CPNE7: variants seen among roughly 807,000 people sequenced by gnomAD.
CPNE7 encodes copine-7.
A neutral mutation model predicts 66.5 loss-of-function variants in CPNE7; 78 were observed. The ratio of observed to expected loss-of-function variants is 1.17; its 90% CI spans 0.98 to 1.42. The LOEUF (loss-of-function observed/expected upper bound fraction) is 1.42. Among genes scored for constraint, CPNE7 ranks in the 40% most tolerant of loss-of-function variants. The pLI, the probability that CPNE7 is intolerant of heterozygous loss-of-function variation, is 0.00. For synonymous variants in CPNE7, 468 were observed against 336.7 expected (o/e 1.39, Z -4.27); for missense variants, 1,012 against 776.6 (o/e 1.30, Z -3.60).
At chr16:89,590,076 G>C (rs911328277) in intron 11 of CPNE7, 125 bp downstream of exon 11, 2 of 1,129,720 alleles carry the variant, frequency 1.8e-6, no homozygotes, top group Admixed American at 4.6e-5. Flanking sequence ...GATGGGATTG[G>C]GGTGCAAAGC....
At chr16:89,589,545 C>A (rs1440077936) in intron 10 of CPNE7, among the ~76,000 whole-genome samples, 1 of 152,182 alleles carries the variant, frequency 6.6e-6, no homozygotes, top group Admixed American at 6.5e-5. Context: ...GCTCCCTACC[C>A]TACAGACCTC....
rs768130590 is a variant in CPNE7 at position 89,583,806 on chromosome 16, C to T, written c.432+35C>T. The T allele has an allele frequency of 1.2e-4, 188 of 1,606,182 alleles. 1 individual carries two copies. The Admixed American group carries it at 3.0e-3, about 26-fold the overall frequency. On this transcript the variant is annotated intron_variant, in intron 3 of 14. Coordinates refer to ENST00000319518, the MANE Select transcript of CPNE7 (RefSeq NM_153636.3). Reference sequence around the variant, plus strand: ...GGGCGCACCCCTGCAGCCTGCAGGCCCTGCTGCTGTGGCTCCGAGGGGTGT... The same window carrying T: ...GGGCGCACCCCTGCAGCCTGCAGGCTCTGCTGCTGTGGCTCCGAGGGGTGT...
Position 89,577,569 on chromosome 16 carries a change from C to G in CPNE7, c.205C>G (p.Leu69Val), listed in dbSNP as rs1010948341. The G allele has an allele frequency of 4.5e-6, 7 of 1,552,312 alleles. No homozygotes were observed. In the African/African-American group the frequency reaches 8.2e-5, roughly 18 times the overall value. Residue 69 changes from leucine to valine, a missense_variant, in exon 2 of 15, where the codon CTG (leucine) becomes GTG (valine). By Grantham distance (32) the Leu-to-Val change is conservative (BLOSUM62 1). Transcript: ENST00000319518. ...CAGAACCGAGGTGGTCCGGAGCAGC[C>G]TGCATCCCGTGTTCTCCAAGGTCTT... is the stretch of plus-strand genomic sequence containing the variant. The part of the protein sequence containing the change: ...VGRTEVVRSS[L>V]HPVFSKVFTV...
At chr16:89,583,549 AG>A in intron 2 of CPNE7, 147 bp from the exon 3 acceptor site, 1 of 1,584,038 alleles carries the variant, frequency 6.3e-7, no homozygotes, top group East Asian at 2.3e-5. Flanking sequence ...GCAGCCACAA[AG>A]GGGGCGCGGG....
Position 89,589,900 on chromosome 16 carries a change from C to G in CPNE7, c.1065C>G (p.Asp355Glu), listed in dbSNP as rs960302476. Residue 355 changes from aspartate to glutamate, a missense_variant, in exon 11 of 15, where the codon GAC becomes GAG. Physicochemically the swap from Asp to Glu is conservative, Grantham distance 45. Transcript: ENST00000319518. ...TGACCTCCTGCCTCTCTTCCAGTGA[C>G]AAGAGGTTTTCCGCTTTGGGGTTTG... ...VGEICQDYDS[D>E]KRFSALGFGA... 45 of 1,613,804 alleles carry G rather than the reference C, an allele frequency of 2.8e-5. No homozygotes were observed. Among genetic ancestry groups the G allele is most frequent in the Non-Finnish European group, 3.6e-5 (43 of 1,179,976 alleles).
chr16:89,594,818 G>C (rs1003930229), intron 13 of CPNE7, among the ~76,000 whole-genome samples: 4 of 151,530 alleles, frequency 2.6e-5, no homozygotes, highest in Non-Finnish European at 4.4e-5. Context: ...CGCCCAGCTA[G>C]TTTTTGTATT....
At chr16:89,588,569 C>A in intron 9 of CPNE7, 106 bp from the exon 10 acceptor site, 1 of 1,454,540 alleles carries the variant, frequency 6.9e-7, no homozygotes, top group South Asian at 1.2e-5. Flanking sequence ...CCTACGCGAC[C>A]CCTGACCCTG....
At chr16:89,588,930 T>A (rs2059128824) in intron 10 of CPNE7, 122 bp downstream of exon 10, 1 of 1,227,870 alleles carries the variant, frequency 8.1e-7, no homozygotes, top group Non-Finnish European at 1.1e-6. Context: ...ACCCGGCCGG[T>A]TTTCCCTCAC....
intron 14 of CPNE7, chr16:89,595,970 C>G (rs774953005): frequency 3.5e-5 from 18 of 508,338 alleles, no homozygotes; most frequent in African/African-American, 5.8e-5. Context: ...ACGTGAGGTT[C>G]TACCCGGTGA....
intron 13 of CPNE7, among the ~76,000 whole-genome samples, chr16:89,594,943 C>T (rs572018292): frequency 3.0e-4 from 45 of 152,194 alleles, no homozygotes; most frequent in Non-Finnish European, 6.0e-4. Flanking sequence ...TGAACCACCG[C>T]GTCCGGCCAA....
At chr16:89,589,590 T>TGAG (rs2059138419) in intron 10 of CPNE7, among the ~76,000 whole-genome samples, 1 of 152,142 alleles carries the variant, frequency 6.6e-6, no homozygotes, top group Non-Finnish European at 1.5e-5. Context: ...AGTGGGTTCC[T>TGAG]TGGCCCCACA....
Position 89,578,966 on chromosome 16 carries a change from T to G in CPNE7, c.357+1245T>G, listed in dbSNP as rs148102686. ...CTGTGCTGCACGGAATCCTCACACC[T>G]TGCCAGGACGGGTCCTTCTTTTTTA... is the stretch of plus-strand genomic sequence containing the variant. On this transcript the variant is annotated intron_variant, in intron 2 of 14. Coordinates refer to ENST00000319518, the MANE Select transcript of CPNE7 (RefSeq NM_153636.3). 3.2e-4 allele frequency: 523 copies of G among 1,609,388 alleles called. 3 individuals carry two copies. In the African/African-American group the frequency reaches 6.4e-3, roughly 20 times the overall value.
intron 13 of CPNE7, among the ~76,000 whole-genome samples, chr16:89,592,113 A>T (rs113576853): frequency 0.11 from 15,507 of 146,296 alleles, 988 homozygotes; most frequent in South Asian, 0.2. Context: ...GGTTCGCGCC[A>T]TTCTCCTGCC....
rs775259661 is a variant in CPNE7 at position 89,587,016 on chromosome 16, G to A, written c.868-27G>A. 32 of 1,568,296 alleles carry A rather than the reference G, an allele frequency of 2.0e-5. No homozygotes were observed. In the East Asian group the frequency reaches 2.8e-4, roughly 14 times the overall value. ...ACTGGCCTCAGTGTCCCTGGCGGGG[G>A]TGGACGCTGACTCCGCCGGCCGGAA... On this transcript the variant is annotated intron_variant, in intron 8 of 14. Transcript: ENST00000319518.
intron 2 of CPNE7, among the ~76,000 whole-genome samples, chr16:89,578,686 G>C (rs954611255): frequency 1.3e-5 from 2 of 151,032 alleles, no homozygotes; most frequent in Non-Finnish European, 3.0e-5. Flanking sequence ...GTTGAACCCG[G>C]GAGGCAGAGG....
At chr16:89,585,337 T>C (rs2059017400) in intron 5 of CPNE7, 127 bp from the exon 6 acceptor site, 8 of 693,620 alleles carry the variant, frequency 1.2e-5, no homozygotes, top group Non-Finnish European at 1.8e-5. Flanking sequence ...CCCGGCGCTG[T>C]CTGGGGTGAT....
At chr16:89,578,465 A>G (rs2058895294) in intron 2 of CPNE7, among the ~76,000 whole-genome samples, 1 of 152,038 alleles carries the variant, frequency 6.6e-6, no homozygotes, top group South Asian at 2.1e-4. Context: ...TCAGCACCTA[A>G]AAGTCTCCTG....
chr16:89,596,841 G>A lies in CPNE7; in HGVS notation c.*220G>A. 4.1e-6 allele frequency: 2 copies of A among 487,764 alleles called. No homozygotes were observed. The highest frequency in any genetic ancestry group is 6.9e-6 in the Non-Finnish European group (2 of 290,422). 30.2% of individuals were successfully genotyped at this position (487,764 alleles called of 1,614,324 possible). A position where few individuals can be genotyped will look rare whatever the true frequency, so the allele number is the denominator to read the frequency against. ...AATACAGGCCCCCATGCCTGGCCCT[G>A]CCTGAGCCAGGTGGGTGGAGGGAGG... On this transcript the variant is annotated 3_prime_UTR_variant, in exon 15 of 15. Coordinates refer to ENST00000319518, the MANE Select transcript of CPNE7 (RefSeq NM_153636.3).
chr16:89,589,814 G>C, intron 10 of CPNE7, 83 bp from the exon 11 acceptor site: 1 of 1,489,526 alleles, frequency 6.7e-7, no homozygotes, highest in African/African-American at 1.4e-5. Context: ...TCTTTTGGGC[G>C]CCAGTCATGT....
Sources: allele counts gnomAD v4.1 joint callset (sites outside exome capture counted in the v4.1 genomes callset), GRCh38; gene constraint gnomAD v4.1.1; transcripts MANE v1.5; gene names NCBI Gene and HGNC (gene_info 2026-07-23, HGNC 2026-07-21).